Variants in HYCC2 observed in about 807,000 individuals in gnomAD.
HYCC2 encodes hyccin PI4KA lipid kinase complex subunit 2, also known as hyccin 2.
chr2:201,063,122 C>A, the HYCC2 span: 1 of 1,610,186 alleles, frequency 6.2e-7, no homozygotes, highest in Non-Finnish European at 8.5e-7. Context: ...AGAGCCCGAA[C>A]AGCTGAGGAA....
the HYCC2 span, chr2:201,011,620 T>C: frequency 2.0e-6 from 1 of 502,352 alleles, no homozygotes; most frequent in Non-Finnish European, 3.4e-6. Flanking sequence ...CCCTAGTTTA[T>C]CTTTTCTAAC....
chr2:201,039,240 T>A, the HYCC2 span, among the ~76,000 whole-genome samples: 1 of 152,230 alleles, frequency 6.6e-6, no homozygotes, highest in Non-Finnish European at 1.5e-5. Flanking sequence ...TTAATGTCTG[T>A]CTTTTCTACT....
the HYCC2 span, chr2:200,977,850 T>A: frequency 6.6e-6 from 1 of 152,150 alleles, no homozygotes; most frequent in African/African-American, 2.4e-5. Flanking sequence ...AGACCCTATT[T>A]CAAAAAATTC....
At chr2:201,021,952 T>C in the HYCC2 span, 1 of 537,618 alleles carries the variant, frequency 1.9e-6, no homozygotes, top group Admixed American at 2.5e-5. Context: ...TGAGAGCCAG[T>C]CACAATTTAG....
At chr2:201,019,197 T>TA in the HYCC2 span, among the ~76,000 whole-genome samples, 760 of 152,286 alleles carry the variant, frequency 5.0e-3, 5 homozygotes, top group Middle Eastern at 0.01. Flanking sequence ...TCCTCTTTAG[T>TA]AAAAAACTCT....
the HYCC2 span, among the ~76,000 whole-genome samples, chr2:200,991,090 T>C: frequency 6.6e-6 from 1 of 152,228 alleles, no homozygotes; most frequent in Non-Finnish European, 1.5e-5. Context: ...TTACATAGAA[T>C]GAAATATTAA....
the HYCC2 span, chr2:201,064,196 G>A: frequency 1.4e-6 from 1 of 692,346 alleles, no homozygotes; most frequent in Non-Finnish European, 2.6e-6. Flanking sequence ...AAATACTCAT[G>A]TGTATGGGCA....
chr2:200,974,823 G>A, the HYCC2 span: 1 of 151,576 alleles, frequency 6.6e-6, no homozygotes, highest in African/African-American at 2.4e-5. Flanking sequence ...GAGTATTTTA[G>A]CTTTTCTTAA....
the HYCC2 span, among the ~76,000 whole-genome samples, chr2:201,005,471 G>A: frequency 6.6e-6 from 1 of 152,076 alleles, no homozygotes; most frequent in Non-Finnish European, 1.5e-5. Context: ...GTGGGTGCAA[G>A]GAGCAGAGAT....
chr2:200,998,492 T>G, the HYCC2 span, among the ~76,000 whole-genome samples: 8 of 152,246 alleles, frequency 5.3e-5, no homozygotes, highest in Non-Finnish European at 1.5e-5. Flanking sequence ...ATTTTACGCC[T>G]CTATGTCTCT....
At chr2:201,060,151 T>C in the HYCC2 span, among the ~76,000 whole-genome samples, 10 of 151,810 alleles carry the variant, frequency 6.6e-5, no homozygotes, top group East Asian at 1.9e-3. Flanking sequence ...CAGGACCTAG[T>C]ACATAGTTAG....
At chr2:201,057,766 ACAGTC>A in the HYCC2 span, among the ~76,000 whole-genome samples, 1 of 152,188 alleles carries the variant, frequency 6.6e-6, no homozygotes, top group Non-Finnish European at 1.5e-5. Context: ...ATGGTTGCAT[ACAGTC>A]TGCTGGCATT....
At chr2:200,987,581 T>G in the HYCC2 span, 2 of 1,263,360 alleles carry the variant, frequency 1.6e-6, no homozygotes, top group Non-Finnish European at 2.1e-6. Context: ...GCTCTATTAT[T>G]TTCTGAGCAT....
At chr2:200,981,987 T>A in the HYCC2 span, 2 of 1,054,592 alleles carry the variant, frequency 1.9e-6, no homozygotes, top group Non-Finnish European at 2.7e-6. The surrounding 1 kb of genome is among the most constrained non-coding windows in gnomAD (Gnocchi z 4.5). Flanking sequence ...TCAATGGCCC[T>A]ACTATCAACA....
the HYCC2 span, among the ~76,000 whole-genome samples, chr2:201,033,366 G>C: frequency 6.8e-6 from 1 of 147,162 alleles, no homozygotes; most frequent in Non-Finnish European, 1.5e-5. Context: ...CACCATGCTT[G>C]GCTAATTTAT....
chr2:201,037,505 C>T, the HYCC2 span, among the ~76,000 whole-genome samples: 5 of 152,138 alleles, frequency 3.3e-5, no homozygotes, highest in African/African-American at 1.2e-4. Context: ...TACAAGGCTA[C>T]AGTAACCAAA....
At chr2:201,060,067 G>GGGT in the HYCC2 span, among the ~76,000 whole-genome samples, 3 of 108,118 alleles carry the variant, frequency 2.8e-5, no homozygotes, top group Non-Finnish European at 3.8e-5. Flanking sequence ...GGGGGGGGGG[G>GGGT]TTCTTCTTAC....
chr2:201,001,979 G>A, the HYCC2 span, among the ~76,000 whole-genome samples: 2 of 151,934 alleles, frequency 1.3e-5, no homozygotes, highest in Admixed American at 6.6e-5. Flanking sequence ...GCTCCCTAAA[G>A]GGGTAAATTT....
At chr2:200,974,685 T>TA in the HYCC2 span, 1 of 151,918 alleles carries the variant, frequency 6.6e-6, no homozygotes, top group African/African-American at 2.4e-5. Context: ...CTCCCTGCTA[T>TA]AAAAAACAAT....
Sources: gnomAD v4.1 joint callset for allele counts (sites outside exome capture counted in the v4.1 genomes callset) on GRCh38, gnomAD v4.1.1 for gene constraint, Gnocchi (gnomAD v3.1) non-coding constraint, MANE v1.5 for transcripts, NCBI Gene and HGNC (gene_info 2026-07-23, HGNC 2026-07-21) for gene names.